Variants in AGPAT4 observed in about 807,000 individuals in gnomAD.
The protein encoded by AGPAT4 is 1-acylglycerol-3-phosphate O-acyltransferase 4, also known as 1-acyl-sn-glycerol-3-phosphate acyltransferase delta.
A neutral mutation model predicts 48.0 loss-of-function variants in AGPAT4; 15 were observed. The ratio of observed to expected loss-of-function variants is 0.31; its 90% CI spans 0.21 to 0.48. The LOEUF (loss-of-function observed/expected upper bound fraction) is 0.48, where lower values mean the gene tolerates loss of function less well. Ranked by LOEUF, AGPAT4 falls within the 20% of genes least tolerant of loss-of-function variation. AGPAT4 has a pLI of 0.99. For missense variants in AGPAT4, 314 were observed against 482.5 expected (o/e 0.65, Z 3.27); for synonymous variants, 178 against 198.7 (o/e 0.90, Z 0.88).
At position 161,238,084 on chromosome 6, in the gene AGPAT4, G is replaced by A. The variant is rs1370629927; in HGVS notation, c.-89-5782C>T. Among the ~76,000 whole-genome samples, 3 of 142,804 alleles carry A rather than the reference G, an allele frequency of 2.1e-5. No individual in the cohort carries two copies. Among genetic ancestry groups the A allele is most frequent in the East Asian group, 2.1e-4 (1 of 4,856 alleles). 93.7% of individuals were successfully genotyped at this position (142,804 alleles called of 152,430 possible). A position where few individuals can be genotyped will look rare whatever the true frequency, so the allele number is the denominator to read the frequency against. On this transcript the variant is annotated intron_variant, in intron 1 of 8. Transcript: ENST00000320285. This position sits in a 1 kb window ranked among gnomAD's most constrained non-coding sequence, Gnocchi z 5.2. ...GCTGGGGGTGGGGGGGTAATGGGGG[G>A]GTTGGGGGGCGGGAGGCAGAATGCA...
In AGPAT4 at chr6:161,251,156, T is replaced by C. The variant is rs1782795144; in HGVS notation, c.-89-18854A>G. ...AAAACTGATAAATGTTCACTCATTT[T>C]ATCTAGTTTTTCTATAGTTAATTTT... On this transcript the variant is annotated intron_variant, in intron 1 of 8. Transcript: ENST00000320285. This position sits in a 1 kb window ranked among gnomAD's most constrained non-coding sequence, Gnocchi z 4.6. Among the ~76,000 whole-genome samples, 1 of 152,260 alleles carries C rather than the reference T, an allele frequency of 6.6e-6. No homozygotes were observed. Among genetic ancestry groups the C allele is most frequent in the African/African-American group, 2.4e-5 (1 of 41,478 alleles).
intron 2 of AGPAT4, among the ~76,000 whole-genome samples, chr6:161,188,874 C>CT (rs1248247932): frequency 1.3e-5 from 2 of 152,160 alleles, no homozygotes; most frequent in Non-Finnish European, 2.9e-5. Context: ...GCATCGCTAT[C>CT]TCATTTCACC....
rs1405447864 is a variant in AGPAT4, at chr6:161,141,175, C to T, written c.844-1555G>A. Among the ~76,000 whole-genome samples the T allele has an allele frequency of 6.6e-6, 1 of 152,072 alleles. No homozygotes were observed. The highest frequency in any genetic ancestry group is 2.4e-5 in the African/African-American group (1 of 41,406). On this transcript the variant is annotated intron_variant, in intron 7 of 8. Coordinates refer to ENST00000320285, the MANE Select transcript of AGPAT4 (RefSeq NM_020133.3). The surrounding 1 kb of genome is among the most constrained non-coding windows in gnomAD (Gnocchi z 6.7). ...TGGAAGGAGAACCCCCAACCCCTTC[C>T]CTGGGCAGTTCAGGTGCCTCTGCTC...
chr6:161,253,196 G>C (rs1295384147), intron 1 of AGPAT4, among the ~76,000 whole-genome samples: 2 of 150,066 alleles, frequency 1.3e-5, no homozygotes, highest in Admixed American at 1.3e-4. Context: ...CTGGGTAACA[G>C]AGCTAGACTC....
rs554204602 is a variant in AGPAT4 at position 161,161,528 on chromosome 6, G to C, written c.348+4720C>G. 3.5e-5 allele frequency: 16 copies of C among 456,448 alleles called. No individual in the cohort carries two copies. The highest frequency in any genetic ancestry group is 2.8e-4 in the African/African-American group (14 of 50,192). The allele number at this position is 456,448 out of a possible 1,614,324, so 28.3% of individuals were successfully genotyped here. ...TTCACATGGTGGCGGGCAGCACTGGGTATCTGCCATAGGCTCAGGTGATGC... is the reference window on the plus strand; with the variant it reads ...TTCACATGGTGGCGGGCAGCACTGGCTATCTGCCATAGGCTCAGGTGATGC... On this transcript the variant is annotated intron_variant, in intron 3 of 8. Coordinates refer to ENST00000320285, the MANE Select transcript of AGPAT4 (RefSeq NM_020133.3). The surrounding 1 kb of genome is among the most constrained non-coding windows in gnomAD (Gnocchi z 4.6).
chr6:161,228,823 T>G (rs1328887082), intron 2 of AGPAT4, among the ~76,000 whole-genome samples: 1 of 151,996 alleles, frequency 6.6e-6, no homozygotes, highest in African/African-American at 2.4e-5. Context: ...CCTTCCTCCT[T>G]CAGCATGCCA....
At position 161,226,224 on chromosome 6, in the gene AGPAT4, G is replaced by T. The variant is rs372442321; in HGVS notation, c.178+5812C>A. On this transcript the variant is annotated intron_variant, in intron 2 of 8. Coordinates refer to ENST00000320285, the MANE Select transcript of AGPAT4 (RefSeq NM_020133.3). This position sits in a 1 kb window ranked among gnomAD's most constrained non-coding sequence, Gnocchi z 6.3. ...AGGGTTAGGACAGGGGCCACTCAGG[G>T]ACACTCCCTTTCTGACATCTTGGAG... Among the ~76,000 whole-genome samples the T allele has an allele frequency of 6.6e-5, 10 of 152,160 alleles. No individual in the cohort carries two copies. In the East Asian group the frequency reaches 1.9e-3, roughly 29 times the overall value.
intron 2 of AGPAT4, among the ~76,000 whole-genome samples, chr6:161,175,109 C>A (rs1435346904): frequency 6.6e-6 from 1 of 152,090 alleles, no homozygotes; most frequent in African/African-American, 2.4e-5. Flanking sequence ...CTAAAATTCT[C>A]TTTTTTTGTT....
intron 2 of AGPAT4, among the ~76,000 whole-genome samples, chr6:161,228,962 A>G (rs1380571095): frequency 6.6e-6 from 1 of 151,530 alleles, no homozygotes; most frequent in Non-Finnish European, 1.5e-5. Flanking sequence ...TGCTGCCACT[A>G]GAATAAAATT....
chr6:161,257,790 G>A (rs1782985311), intron 1 of AGPAT4, among the ~76,000 whole-genome samples: 2 of 152,170 alleles, frequency 1.3e-5, no homozygotes, highest in South Asian at 4.1e-4. Context: ...TATTTCATAT[G>A]GAAGTGAATA....
At position 161,215,222 on chromosome 6, in the gene AGPAT4, A is replaced by G. The variant is rs1433202745; in HGVS notation, c.178+16814T>C. Among the ~76,000 whole-genome samples, 5 of 152,214 alleles carry G rather than the reference A, an allele frequency of 3.3e-5. No homozygotes were observed. Among genetic ancestry groups the G allele is most frequent in the Admixed American group, 3.3e-4 (5 of 15,280 alleles). On this transcript the variant is annotated intron_variant, in intron 2 of 8. Coordinates refer to ENST00000320285, the MANE Select transcript of AGPAT4 (RefSeq NM_020133.3). This position sits in a 1 kb window ranked among gnomAD's most constrained non-coding sequence, Gnocchi z 4.5. ...ATTTAACTTATGATCCTACTCTTCC[A>G]TAACTCATACACTGCATGTGTTGTA...
chr6:161,257,593 T>G (rs1043154488), intron 1 of AGPAT4, among the ~76,000 whole-genome samples: 1 of 152,168 alleles, frequency 6.6e-6, no homozygotes, highest in Non-Finnish European at 1.5e-5. Flanking sequence ...GTAATGCCAT[T>G]AAAAAATTAA....
rs1293567107 is a variant in AGPAT4, at chr6:161,231,034, T to C, written c.178+1002A>G. ...ATAATTATACATAGCTTGAATTGTCTTGATTCAAATTCAAATTTGATCATT... is the reference window on the plus strand; with the variant it reads ...ATAATTATACATAGCTTGAATTGTCCTGATTCAAATTCAAATTTGATCATT... On this transcript the variant is annotated intron_variant, in intron 2 of 8. Transcript: ENST00000320285. The surrounding 1 kb of genome is among the most constrained non-coding windows in gnomAD (Gnocchi z 5.3). Among the ~76,000 whole-genome samples the C allele has an allele frequency of 1.4e-5, 2 of 147,260 alleles. No homozygotes were observed. Among genetic ancestry groups the C allele is most frequent in the Non-Finnish European group, 3.0e-5 (2 of 67,228 alleles).
At position 161,174,364 on chromosome 6, in the gene AGPAT4, C is replaced by A. The variant is rs1780366876; in HGVS notation, c.179-7947G>T. Among the ~76,000 whole-genome samples the A allele has an allele frequency of 3.9e-5, 6 of 152,250 alleles. No homozygotes were observed. The South Asian group carries it at 1.0e-3, about 26-fold the overall frequency. ...TTCTCCTTGAAGAGGGCCTTCACATCCCTTGTAAGTTGGATTCCTAGGTAT... is the reference window on the plus strand; with the variant it reads ...TTCTCCTTGAAGAGGGCCTTCACATACCTTGTAAGTTGGATTCCTAGGTAT... On this transcript the variant is annotated intron_variant, in intron 2 of 8. Coordinates refer to ENST00000320285, the MANE Select transcript of AGPAT4 (RefSeq NM_020133.3).
chr6:161,202,517 T>C lies in AGPAT4; in HGVS notation c.178+29519A>G, dbSNP rs1270934365. On this transcript the variant is annotated intron_variant, in intron 2 of 8. Transcript: ENST00000320285. The surrounding 1 kb of genome is among the most constrained non-coding windows in gnomAD (Gnocchi z 5.4). ...AGAGAAGAGAGTTACTAGCCCGCAC[T>C]CAGGAGTTAGGGAAATGGGGTTTCA... 1.3e-5 allele frequency among the ~76,000 whole-genome samples: 2 copies of C among 152,094 alleles called. No individual in the cohort carries two copies. Among genetic ancestry groups the C allele is most frequent in the Admixed American group, 1.3e-4 (2 of 15,268 alleles).
At position 161,235,344 on chromosome 6, in the gene AGPAT4, C is replaced by T. The variant is rs945832673; in HGVS notation, c.-89-3042G>A. On this transcript the variant is annotated intron_variant, in intron 1 of 8. Coordinates refer to ENST00000320285, the MANE Select transcript of AGPAT4 (RefSeq NM_020133.3). This position sits in a 1 kb window ranked among gnomAD's most constrained non-coding sequence, Gnocchi z 6.2. ...GCCAAAATAAGAATAGTCAAGGCAT[C>T]CTCTGAAGAAGAAGGTGAGAAGTGC... is the stretch of plus-strand genomic sequence containing the variant. Among the ~76,000 whole-genome samples, 2 of 152,098 alleles carry T rather than the reference C, an allele frequency of 1.3e-5. No individual in the cohort carries two copies. Among genetic ancestry groups the T allele is most frequent in the African/African-American group, 4.8e-5 (2 of 41,398 alleles).
chr6:161,160,609 G>A (rs968224948), intron 3 of AGPAT4: 27 of 205,792 alleles, frequency 1.3e-4, no homozygotes, highest in African/African-American at 5.4e-4. Context: ...GCATGCAGAT[G>A]TGCGGAGAGG....
chr6:161,152,246 GA>G (rs1779610869), intron 5 of AGPAT4, among the ~76,000 whole-genome samples: 1 of 151,470 alleles, frequency 6.6e-6, no homozygotes, highest in South Asian at 2.1e-4. Context: ...AGAATGTGGG[GA>G]AGAAGAAACT....
chr6:161,153,933 G>A (rs1055171191), intron 4 of AGPAT4, among the ~76,000 whole-genome samples: 2 of 150,858 alleles, frequency 1.3e-5, no homozygotes, highest in Non-Finnish European at 3.0e-5. Flanking sequence ...ACGGCCCCAT[G>A]GTCATACACG....
Sources: gnomAD v4.1 joint callset for allele counts (sites outside exome capture counted in the v4.1 genomes callset) on GRCh38, gnomAD v4.1.1 for gene constraint, Gnocchi (gnomAD v3.1) non-coding constraint, MANE v1.5 for transcripts, NCBI Gene and HGNC (gene_info 2026-07-23, HGNC 2026-07-21) for gene names.